Variants in GPCPD1 observed in about 807,000 individuals in gnomAD.
The protein encoded by GPCPD1 is glycerophosphocholine phosphodiesterase 1, also known as glycerophosphocholine phosphodiesterase GPCPD1.
GPCPD1 carries 29 observed loss-of-function variants against 89.2 expected under a neutral mutation model. That is an observed-to-expected ratio of 0.33 (90% CI 0.24 to 0.44). GPCPD1 has a LOEUF of 0.44. Among genes scored for constraint, GPCPD1 ranks in the 20% least tolerant of loss-of-function variants. The pLI is 1.00. For missense variants in GPCPD1, 594 were observed against 808.9 expected, an observed-to-expected ratio of 0.73 and a Z score of 3.22; for synonymous variants, 258 against 266.3, an observed-to-expected ratio of 0.97 and a Z score of 0.30.
At chr20:5,578,645 G>A (rs762505792) in intron 7 of GPCPD1, 34 bp from the exon 8 acceptor site, 1 of 1,367,240 alleles carries the variant, frequency 7.3e-7, no homozygotes. Flanking sequence ...GATGCAAGAA[G>A]TGGCAGAAAA....
Position 5,578,509 on chromosome 20 carries a change from G to A in GPCPD1, c.576C>T (p.Ser192=), listed in dbSNP as rs779166223. The part of the protein sequence containing the change: ...MSNSLEISLI[S]DNEFKCRHSQ... The stretch of plus-strand genomic sequence containing the variant: ...AATGCCTGCACTTGAACTCATTGTC[G>A]CTTATTAAGGATATCTCCAAGCTAT... The change falls in exon 8 of 20, where the codon AGC becomes AGT. Residue 192 remains serine (S), a synonymous_variant. Coordinates refer to ENST00000379019, the MANE Select transcript of GPCPD1 (RefSeq NM_019593.5). 5.0e-6 allele frequency: 8 copies of A among 1,613,074 alleles called. No homozygotes were observed. Among genetic ancestry groups the A allele is most frequent in the Middle Eastern group, 1.6e-4 (1 of 6,084 alleles).
intron 1 of GPCPD1, among the ~76,000 whole-genome samples, chr20:5,609,622 G>A (rs1429486009): frequency 1.3e-5 from 2 of 152,032 alleles, no homozygotes; most frequent in Admixed American, 1.3e-4. Flanking sequence ...CTTTATGTAC[G>A]TATCAAATTT....
chr20:5,580,743 G>T (rs1221440916), intron 6 of GPCPD1, among the ~76,000 whole-genome samples: 1 of 142,626 alleles, frequency 7.0e-6, no homozygotes, highest in Admixed American at 6.9e-5. Context: ...AAAAAAAAAA[G>T]AAAAAGAAAA....
chr20:5,581,814 CTT>C (rs11479995), intron 6 of GPCPD1, among the ~76,000 whole-genome samples: 368 of 74,846 alleles, frequency 4.9e-3, no homozygotes, highest in African/African-American at 0.023. Context: ...GGGACTTTAA[CTT>C]TTTTTTTTTT....
At chr20:5,577,070 T>G (rs1219998091) in intron 8 of GPCPD1, among the ~76,000 whole-genome samples, 14 of 148,462 alleles carry the variant, frequency 9.4e-5, no homozygotes, top group Admixed American at 6.0e-4. Flanking sequence ...TTTTTGTTTT[T>G]TTTTTTTTTT....
At chr20:5,601,418 G>C (rs190629106) in intron 2 of GPCPD1, among the ~76,000 whole-genome samples, 192 of 141,424 alleles carry the variant, frequency 1.4e-3, no homozygotes, top group Middle Eastern at 8.2e-3. Flanking sequence ...GCCCAGGCTG[G>C]AGTACAGTGG....
chr20:5,570,084 C>A, intron 12 of GPCPD1, 63 bp downstream of exon 12: 9 of 715,368 alleles, frequency 1.3e-5, no homozygotes, highest in East Asian at 2.7e-5. Flanking sequence ...TATAAAAAAA[C>A]TTCCTAGTTT....
chr20:5,588,809 A>G (rs985703785), intron 4 of GPCPD1, among the ~76,000 whole-genome samples: 3 of 152,106 alleles, frequency 2.0e-5, no homozygotes, highest in African/African-American at 7.2e-5. Context: ...TGGGCGATAG[A>G]GCGAGACTAT....
Position 5,561,449 on chromosome 20 carries a change from A to T in GPCPD1, c.1395+16T>A. 6.9e-7 allele frequency: 1 copy of T among 1,444,374 alleles called. No individual in the cohort carries two copies. The highest frequency in any genetic ancestry group is 1.1e-5 in the South Asian group (1 of 87,064). 89.5% of individuals were successfully genotyped at this position (1,444,374 alleles called of 1,614,324 possible). On this transcript the variant is annotated intron_variant, in intron 16 of 19. Transcript: ENST00000379019. ...GCATAGAGAGTATAGAATGTGCTGCATAGAGAATTACTTACCCTTTGCTGG... is the reference window on the plus strand; with the variant it reads ...GCATAGAGAGTATAGAATGTGCTGCTTAGAGAATTACTTACCCTTTGCTGG...
chr20:5,582,553 C>T (rs928800523), intron 6 of GPCPD1, among the ~76,000 whole-genome samples: 1 of 152,148 alleles, frequency 6.6e-6, no homozygotes, highest in East Asian at 1.9e-4. Flanking sequence ...CAATTCCGCC[C>T]ACCCGCTTTC....
At position 5,551,677 on chromosome 20, in the gene GPCPD1, G is replaced by A. The variant is rs547359999; in HGVS notation, c.1830-3827C>T. 5.3e-4 allele frequency among the ~76,000 whole-genome samples: 81 copies of A among 152,244 alleles called. 1 individual carries two copies. Among genetic ancestry groups the A allele is most frequent in the African/African-American group, 1.9e-3 (77 of 41,540 alleles). On this transcript the variant is annotated intron_variant, in intron 19 of 19. Coordinates refer to ENST00000379019, the MANE Select transcript of GPCPD1 (RefSeq NM_019593.5). Reference sequence around the variant, plus strand: ...GAATCACTTGAACCCAGGAGCTGGAGGGTAAGGCAGGAGAATCACTTGAAC... The same window carrying A: ...GAATCACTTGAACCCAGGAGCTGGAAGGTAAGGCAGGAGAATCACTTGAAC...
At chr20:5,560,900 T>C (rs1298090383) in intron 16 of GPCPD1, among the ~76,000 whole-genome samples, 3 of 152,250 alleles carry the variant, frequency 2.0e-5, no homozygotes, top group Non-Finnish European at 4.4e-5. Context: ...CTAATTGTTT[T>C]CCACAACTGA....
chr20:5,598,656 T>C (rs1979906100), intron 3 of GPCPD1, 69 bp downstream of exon 3: 5 of 854,308 alleles, frequency 5.9e-6, no homozygotes, highest in Non-Finnish European at 9.6e-6. Context: ...TACCAAGATA[T>C]CTTAAAAGCC....
intron 19 of GPCPD1, among the ~76,000 whole-genome samples, chr20:5,553,275 A>G (rs969983650): frequency 2.0e-5 from 3 of 152,192 alleles, no homozygotes; most frequent in Non-Finnish European, 4.4e-5. Context: ...TCACTATTGT[A>G]ATTGTTTTGA....
At chr20:5,590,650 C>A (rs766161613) in intron 4 of GPCPD1, among the ~76,000 whole-genome samples, 2 of 151,828 alleles carry the variant, frequency 1.3e-5, no homozygotes, top group Non-Finnish European at 2.9e-5. Context: ...GTATTCAAAT[C>A]TCAAGTTAAC....
chr20:5,551,660 T>G (rs62204030), intron 19 of GPCPD1, among the ~76,000 whole-genome samples: 6,442 of 152,204 alleles, frequency 0.042, 189 homozygotes, highest in Non-Finnish European at 0.062. Flanking sequence ...GAGAATCACT[T>G]GAACCCAGGA....
intron 8 of GPCPD1, among the ~76,000 whole-genome samples, chr20:5,578,048 T>C (rs1488517837): frequency 6.6e-6 from 1 of 152,228 alleles, no homozygotes; most frequent in African/African-American, 2.4e-5. Context: ...TACATCGGGA[T>C]GCCCGCCAAG....
At chr20:5,564,328 T>TAA (rs989180988) in intron 15 of GPCPD1, among the ~76,000 whole-genome samples, 4 of 146,516 alleles carry the variant, frequency 2.7e-5, no homozygotes, top group Admixed American at 6.8e-5. Context: ...AAAATATTGT[T>TAA]AAAAAAAAAA....
At chr20:5,557,561 T>C (rs1985844216) in intron 19 of GPCPD1, among the ~76,000 whole-genome samples, 1 of 152,070 alleles carries the variant, frequency 6.6e-6, no homozygotes, top group African/African-American at 2.4e-5. Flanking sequence ...GAAATAAAAG[T>C]CTACAGAGGT....
Sources: gnomAD v4.1 joint callset for allele counts (sites outside exome capture counted in the v4.1 genomes callset) on GRCh38, gnomAD v4.1.1 for gene constraint, MANE v1.5 for transcripts, NCBI Gene and HGNC (gene_info 2026-07-23, HGNC 2026-07-21) for gene names.